Variants in SPATA16 observed in about 807,000 individuals in gnomAD.
The protein encoded by SPATA16 is spermatogenesis-associated protein 16.
In SPATA16, 36 loss-of-function variants were observed where a neutral mutation model predicts 63.3. The ratio of observed to expected loss-of-function variants is 0.57; its 90% confidence interval spans 0.44 to 0.75. The LOEUF (loss-of-function observed/expected upper bound fraction) is 0.75. Ranked by LOEUF, SPATA16 falls within the 30% of genes least tolerant of loss-of-function variation. The pLI is 0.00. For missense variants in SPATA16, 646 were observed against 679.3 expected, an observed-to-expected ratio of 0.95 and a Z score of 0.54; for synonymous variants, 203 against 216.7, an observed-to-expected ratio of 0.94 and a Z score of 0.56.
chr3:172,962,972 T>TA (rs1356084863), intron 5 of SPATA16, among the ~76,000 whole-genome samples: 1 of 152,152 alleles, frequency 6.6e-6, no homozygotes, highest in Non-Finnish European at 1.5e-5. Flanking sequence ...GAATTGATTT[T>TA]AAAAACAGAT....
At position 172,912,443 on chromosome 3, in the gene SPATA16, A is replaced by G. The variant is rs546493173; in HGVS notation, c.1587+1218T>C. Among the ~76,000 whole-genome samples, 3 of 151,998 alleles carry G rather than the reference A, an allele frequency of 2.0e-5. No homozygotes were observed. In the East Asian group the frequency reaches 5.8e-4, roughly 29 times the overall value. ...ATTCAACACATATTTGCTGACAGTCAGTTTCTGGGTTTTTTTGTACATACA... is the reference window on the plus strand; with the variant it reads ...ATTCAACACATATTTGCTGACAGTCGGTTTCTGGGTTTTTTTGTACATACA... On this transcript the variant is annotated intron_variant, in intron 10 of 10. Transcript: ENST00000351008.
chr3:172,979,492 G>T (rs1461313928), intron 4 of SPATA16, among the ~76,000 whole-genome samples: 2 of 152,126 alleles, frequency 1.3e-5, no homozygotes, highest in African/African-American at 4.8e-5. Flanking sequence ...GTTAGTTATT[G>T]TCATTTTTGG....
intron 4 of SPATA16, among the ~76,000 whole-genome samples, chr3:172,991,038 T>C (rs1234464129): frequency 6.6e-6 from 1 of 152,124 alleles, no homozygotes; most frequent in Non-Finnish European, 1.5e-5. Flanking sequence ...TTGTCATGAC[T>C]GTGATGCCCA....
At chr3:172,992,020 C>T (rs1441211441) in intron 4 of SPATA16, among the ~76,000 whole-genome samples, 8 of 152,102 alleles carry the variant, frequency 5.3e-5, no homozygotes. Context: ...AGGGTAGTCT[C>T]GCCTTTCCTC....
intron 2 of SPATA16, among the ~76,000 whole-genome samples, chr3:173,101,184 C>G (rs1737485971): frequency 6.6e-6 from 1 of 152,098 alleles, no homozygotes; most frequent in Non-Finnish European, 1.5e-5. Flanking sequence ...TTGACCTCAC[C>G]TGGCCTAGAT....
chr3:172,948,590 C>A (rs1019786726), intron 6 of SPATA16, among the ~76,000 whole-genome samples: 1 of 152,056 alleles, frequency 6.6e-6, no homozygotes. Flanking sequence ...ACTCAGCCAC[C>A]CGAGTAGCTG....
At chr3:173,119,880 G>A (rs940161343) in intron 1 of SPATA16, among the ~76,000 whole-genome samples, 4 of 136,484 alleles carry the variant, frequency 2.9e-5, no homozygotes, top group African/African-American at 9.9e-5. Flanking sequence ...CTGAGGTCAA[G>A]AGTTCAAAAC....
intron 2 of SPATA16, among the ~76,000 whole-genome samples, chr3:173,088,072 T>TTCTG (rs1424267598): frequency 4.7e-5 from 6 of 128,108 alleles, no homozygotes; most frequent in African/African-American, 9.0e-5. Flanking sequence ...CTTTCTTTCT[T>TTCTG]TCTTTCTGTC....
chr3:172,916,839 C>G (rs1040904229), intron 8 of SPATA16, among the ~76,000 whole-genome samples: 3 of 152,220 alleles, frequency 2.0e-5, no homozygotes, highest in Non-Finnish European at 4.4e-5. Context: ...TTATCTATAT[C>G]ACCAAAGCAT....
rs143871841 is a variant in SPATA16 at position 173,020,510 on chromosome 3, T to C, written c.759-935A>G. Among the ~76,000 whole-genome samples the C allele has an allele frequency of 3.0e-3, 455 of 152,308 alleles. 4 individuals are homozygous for C. Among genetic ancestry groups the C allele is most frequent in the African/African-American group, 0.01 (432 of 41,568 alleles). Reference sequence around the variant, plus strand: ...GACAAGGCTTGACTTGTGGATAAGATGAACTAACTGTCCTTACCTGCTGAC... The same window carrying C: ...GACAAGGCTTGACTTGTGGATAAGACGAACTAACTGTCCTTACCTGCTGAC... On this transcript the variant is annotated intron_variant, in intron 3 of 10. Coordinates refer to ENST00000351008, the MANE Select transcript of SPATA16 (RefSeq NM_031955.6).
At chr3:172,912,263 C>T (rs547481159) in intron 10 of SPATA16, among the ~76,000 whole-genome samples, 3 of 152,080 alleles carry the variant, frequency 2.0e-5, no homozygotes, top group Non-Finnish European at 4.4e-5. Flanking sequence ...CATTTGTTTC[C>T]ATAGATCATT....
In SPATA16 at chr3:172,969,168, A is replaced by G. The variant is rs115147118; in HGVS notation, c.933+7800T>C. The stretch of plus-strand genomic sequence containing the variant: ...CAAGAGGTTTGCTTCAGGGATGTGA[A>G]GTACACAGGAAAATCTGACTTACAT... On this transcript the variant is annotated intron_variant, in intron 5 of 10. Transcript: ENST00000351008. Among the ~76,000 whole-genome samples the G allele has an allele frequency of 2.3e-3, 343 of 152,334 alleles. 1 individual carries two copies. The highest frequency in any genetic ancestry group is 3.7e-3 in the Non-Finnish European group (254 of 68,026).
chr3:173,051,725 G>A (rs1177909947), intron 2 of SPATA16, among the ~76,000 whole-genome samples: 2 of 152,064 alleles, frequency 1.3e-5, no homozygotes, highest in Non-Finnish European at 2.9e-5. Flanking sequence ...AAAAAAGAAA[G>A]AAAATATACA....
chr3:173,036,445 A>C (rs531210566), intron 3 of SPATA16, among the ~76,000 whole-genome samples: 11 of 152,206 alleles, frequency 7.2e-5, no homozygotes, highest in Middle Eastern at 3.4e-3. Flanking sequence ...ATGTGTCAAC[A>C]TTCAGAAATC....
intron 2 of SPATA16, among the ~76,000 whole-genome samples, chr3:173,055,587 T>G (rs1401720434): frequency 6.6e-6 from 1 of 152,198 alleles, no homozygotes; most frequent in Non-Finnish European, 1.5e-5. Flanking sequence ...TTATTGATAA[T>G]GAGGAGCTAG....
chr3:173,101,129 C>T (rs1438386329), intron 2 of SPATA16, among the ~76,000 whole-genome samples: 1 of 152,086 alleles, frequency 6.6e-6, no homozygotes, highest in Non-Finnish European at 1.5e-5. Context: ...CAGGCTAGGG[C>T]TTGCTGAGCT....
At chr3:173,076,017 A>G (rs373244079) in intron 2 of SPATA16, among the ~76,000 whole-genome samples, 6 of 152,190 alleles carry the variant, frequency 3.9e-5, no homozygotes, top group African/African-American at 1.4e-4. Context: ...ATCATTACAA[A>G]TGTCACATGT....
chr3:173,053,588 T>C (rs543041151), intron 2 of SPATA16, among the ~76,000 whole-genome samples: 189 of 152,304 alleles, frequency 1.2e-3, no homozygotes, highest in African/African-American at 4.4e-3. Context: ...AAATAATATA[T>C]GGTGAGCCAC....
At chr3:172,905,643 A>G (rs1198334675) in intron 10 of SPATA16, among the ~76,000 whole-genome samples, 2 of 152,102 alleles carry the variant, frequency 1.3e-5, no homozygotes, top group East Asian at 1.9e-4. Context: ...CCAAATTAGT[A>G]TATCAGTGAA....
Sources: allele counts gnomAD v4.1 joint callset (sites outside exome capture counted in the v4.1 genomes callset), GRCh38; gene constraint gnomAD v4.1.1; transcripts MANE v1.5; gene names NCBI Gene and HGNC (gene_info 2026-07-23, HGNC 2026-07-21).